Variants in DYTN observed in about 807,000 individuals in gnomAD.
DYTN encodes the protein dystrotelin.
A neutral mutation model predicts 69.6 loss-of-function variants in DYTN; 75 were observed. That is an observed-to-expected ratio of 1.08 (90% confidence interval 0.89 to 1.31). The LOEUF (loss-of-function observed/expected upper bound fraction) is 1.31, where lower values mean the gene tolerates loss of function less well. DYTN is among the 50% of genes most tolerant of loss of function. The probability of loss-of-function intolerance (pLI) is 0.00; values close to 1 mark genes in which losing one functional copy is unlikely to be tolerated. For synonymous variants in DYTN, 252 were observed against 249.1 expected, an observed-to-expected ratio of 1.01 and a Z score of -0.11; for missense variants, 726 against 688.4, an observed-to-expected ratio of 1.05 and a Z score of -0.61.
chr2:206,685,264 C>T (rs1574595562), intron 9 of DYTN, among the ~76,000 whole-genome samples: 1 of 152,042 alleles, frequency 6.6e-6, no homozygotes, highest in East Asian at 1.9e-4. Flanking sequence ...CAGGCTCAAG[C>T]GATCCTCCCA....
At chr2:206,656,117 C>T (rs1699445394) in intron 11 of DYTN, among the ~76,000 whole-genome samples, 1 of 152,082 alleles carries the variant, frequency 6.6e-6, no homozygotes, top group African/African-American at 2.4e-5. Context: ...CTGTCTATTT[C>T]TCCCTTCAGT....
intron 11 of DYTN, among the ~76,000 whole-genome samples, chr2:206,659,591 T>C (rs1383276115): frequency 1.3e-5 from 2 of 152,028 alleles, no homozygotes; most frequent in East Asian, 1.9e-4. Flanking sequence ...CGAAAATACT[T>C]TGATTTTGCT....
chr2:206,689,509 T>A (rs1699842787), intron 9 of DYTN, among the ~76,000 whole-genome samples: 1 of 152,234 alleles, frequency 6.6e-6, no homozygotes. Context: ...ACAACTCTAC[T>A]GTACTTGGGG....
In DYTN at chr2:206,684,021, C is replaced by T. The variant is rs530435808; in HGVS notation, c.980+9154G>A. 1.5e-3 allele frequency among the ~76,000 whole-genome samples: 227 copies of T among 151,616 alleles called. 3 individuals are homozygous for T. Among genetic ancestry groups the T allele is most frequent in the Non-Finnish European group, 2.8e-3 (192 of 67,922 alleles). ...GATATAATTCCTTTATATACCATTT[C>T]CATTTGTCTGGTCCTCACTAGGATG... On this transcript the variant is annotated intron_variant, in intron 9 of 11. Transcript: ENST00000452335.
intron 11 of DYTN, among the ~76,000 whole-genome samples, chr2:206,654,984 A>T (rs987461439): frequency 6.6e-6 from 1 of 151,962 alleles, no homozygotes; most frequent in Non-Finnish European, 1.5e-5. Flanking sequence ...TTGTCTAATT[A>T]CTCTGGCTAG....
intron 9 of DYTN, among the ~76,000 whole-genome samples, chr2:206,683,530 G>A (rs1414422781): frequency 6.6e-6 from 1 of 151,700 alleles, no homozygotes; most frequent in Non-Finnish European, 1.5e-5. Context: ...TGTTAGTAGA[G>A]ACAGGGTTTT....
At chr2:206,676,176 C>A (rs1370189898) in intron 9 of DYTN, among the ~76,000 whole-genome samples, 1 of 152,156 alleles carries the variant, frequency 6.6e-6, no homozygotes, top group Non-Finnish European at 1.5e-5. Context: ...TTGGAAGCAA[C>A]CCAAATGCCC....
At chr2:206,673,601 T>C (rs1699651094) in intron 9 of DYTN, among the ~76,000 whole-genome samples, 1 of 152,184 alleles carries the variant, frequency 6.6e-6, no homozygotes, top group African/African-American at 2.4e-5. Context: ...TGATACTGAG[T>C]TGGCAAGTTA....
rs544480461 is a variant in DYTN, at chr2:206,672,262, C to A, written c.981-6233G>T. ...TTTTTAATAAAAATATGTTATATACCTAAGATAGGATGTAGCAACTTTAAT... is the reference window on the plus strand; with the variant it reads ...TTTTTAATAAAAATATGTTATATACATAAGATAGGATGTAGCAACTTTAAT... On this transcript the variant is annotated intron_variant, in intron 9 of 11. Coordinates refer to ENST00000452335, the MANE Select transcript of DYTN (RefSeq NM_001093730.1). Among the ~76,000 whole-genome samples the A allele has an allele frequency of 7.9e-5, 12 of 151,936 alleles. No individual in the cohort carries two copies. In the South Asian group the frequency reaches 8.3e-4, roughly 11 times the overall value.
At chr2:206,673,677 A>G (rs1450627463) in intron 9 of DYTN, among the ~76,000 whole-genome samples, 9 of 152,254 alleles carry the variant, frequency 5.9e-5, no homozygotes, top group Admixed American at 5.9e-4. Flanking sequence ...CAGAGACTTC[A>G]TATCTATAGA....
intron 3 of DYTN, 59 bp downstream of exon 3, chr2:206,707,243 A>G (rs1039909943): frequency 1.9e-6 from 3 of 1,557,244 alleles, no homozygotes; most frequent in Non-Finnish European, 8.7e-7. Context: ...CAAATGGTAA[A>G]TGACCACTGG....
chr2:206,683,597 G>A (rs1042477194), intron 9 of DYTN, among the ~76,000 whole-genome samples: 5 of 151,880 alleles, frequency 3.3e-5, no homozygotes, highest in Non-Finnish European at 7.4e-5. Flanking sequence ...GCCCACCTTG[G>A]CCTCCTGAAG....
At chr2:206,653,517 T>A (rs1175527802) in intron 11 of DYTN, among the ~76,000 whole-genome samples, 1 of 152,156 alleles carries the variant, frequency 6.6e-6, no homozygotes, top group African/African-American at 2.4e-5. Flanking sequence ...TAATTAAAAG[T>A]CTATCTAGTC....
rs180951378 is a variant in DYTN, at chr2:206,702,935, C to T, written c.483+1908G>A. 1.5e-3 allele frequency among the ~76,000 whole-genome samples: 235 copies of T among 152,122 alleles called. 1 individual carries two copies. In the South Asian group the frequency reaches 0.017, roughly 11 times the overall value. ...CGGCACAGGCAGACACCACTTGAAA[C>T]GATAATTATGATGTTTAGGGGGGGA... On this transcript the variant is annotated intron_variant, in intron 5 of 11. Transcript: ENST00000452335.
chr2:206,697,446 A>G (rs1415365445), intron 7 of DYTN, among the ~76,000 whole-genome samples: 2 of 152,186 alleles, frequency 1.3e-5, no homozygotes, highest in African/African-American at 2.4e-5. Context: ...TGCTACCTGC[A>G]GATCTGCAAA....
In DYTN at chr2:206,693,138, T is replaced by A. The variant is rs762348096; in HGVS notation, c.980+37A>T. On this transcript the variant is annotated intron_variant, in intron 9 of 11. Coordinates refer to ENST00000452335, the MANE Select transcript of DYTN (RefSeq NM_001093730.1). Reference sequence around the variant, plus strand: ...CATAACACCCAGGGCCCTTGGTGGCTGCTCTGTGGGATCAGCCAATCCTCG... The same window carrying A: ...CATAACACCCAGGGCCCTTGGTGGCAGCTCTGTGGGATCAGCCAATCCTCG... 6.4e-6 allele frequency: 10 copies of A among 1,571,608 alleles called. No individual in the cohort carries two copies. In the East Asian group the frequency reaches 2.1e-4, roughly 33 times the overall value.
chr2:206,689,788 G>C (rs967987307), intron 9 of DYTN, among the ~76,000 whole-genome samples: 5 of 152,142 alleles, frequency 3.3e-5, no homozygotes, highest in African/African-American at 1.2e-4. Context: ...ATTCTTTCCA[G>C]CTACATTCTA....
At chr2:206,700,770 C>A (rs569426305) in intron 5 of DYTN, among the ~76,000 whole-genome samples, 1 of 152,070 alleles carries the variant, frequency 6.6e-6, no homozygotes, top group African/African-American at 2.4e-5. Flanking sequence ...CTTTACCCCA[C>A]CCTCTGACAG....
intron 7 of DYTN, among the ~76,000 whole-genome samples, chr2:206,695,333 A>G (rs528612952): frequency 6.6e-6 from 1 of 152,328 alleles, no homozygotes; most frequent in Non-Finnish European, 1.5e-5. Context: ...AGGGTATGAT[A>G]ATATTGGGCC....
Sources: allele counts gnomAD v4.1 joint callset (sites outside exome capture counted in the v4.1 genomes callset), GRCh38; gene constraint gnomAD v4.1.1; transcripts MANE v1.5; gene names NCBI Gene and HGNC (gene_info 2026-07-23, HGNC 2026-07-21).